KIAA1328: variants seen among roughly 807,000 people sequenced by gnomAD.
The protein encoded by KIAA1328 is protein hinderin.
In KIAA1328, 52 loss-of-function variants were observed where a neutral mutation model predicts 68.1. That is an observed-to-expected ratio of 0.76 (90% CI 0.61 to 0.96). The LOEUF is 0.96. Among genes scored for constraint, KIAA1328 ranks in the 40% least tolerant of loss-of-function variants. The pLI, the probability that KIAA1328 is intolerant of heterozygous loss-of-function variation, is 0.00. For missense variants in KIAA1328, 641 were observed against 677.6 expected, an observed-to-expected ratio of 0.95 and a Z score of 0.60; for synonymous variants, 232 against 239.4, an observed-to-expected ratio of 0.97 and a Z score of 0.28.
chr18:37,135,442 C>G (rs2058622205), intron 7 of KIAA1328, among the ~76,000 whole-genome samples: 1 of 152,116 alleles, frequency 6.6e-6, no homozygotes, highest in East Asian at 1.9e-4. Flanking sequence ...TTGCATTTCT[C>G]TGATGATTAG....
chr18:36,952,075 C>T (rs9789231), intron 5 of KIAA1328, among the ~76,000 whole-genome samples: 90,582 of 152,044 alleles, frequency 0.6, 28,845 homozygotes, highest in East Asian at 0.87. Flanking sequence ...TTCTGTCCCA[C>T]TCAGGACCAG....
At chr18:36,946,796 T>C (rs1297550270) in intron 5 of KIAA1328, among the ~76,000 whole-genome samples, 2 of 152,186 alleles carry the variant, frequency 1.3e-5, no homozygotes, top group Admixed American at 6.5e-5. Flanking sequence ...CAGGCATCCG[T>C]TCCTGGTGAT....
intron 5 of KIAA1328, among the ~76,000 whole-genome samples, chr18:36,899,605 T>G (rs956412516): frequency 1.3e-5 from 2 of 152,020 alleles, no homozygotes; most frequent in African/African-American, 4.8e-5. Flanking sequence ...CATATACTCA[T>G]GATATGTATC....
rs534761569 is a variant in KIAA1328, at chr18:37,162,495, A to G, written c.1414+2114A>G. 2.0e-5 allele frequency among the ~76,000 whole-genome samples: 3 copies of G among 152,264 alleles called. No homozygotes were observed. The South Asian group carries it at 6.2e-4, about 32-fold the overall frequency. ...GAGCCATTCTGCCCATTGCACAGCT[A>G]GTGTATGCAGATTATAGTACAGGGC... On this transcript the variant is annotated intron_variant, in intron 8 of 9. Coordinates refer to ENST00000280020, the MANE Select transcript of KIAA1328 (RefSeq NM_020776.3).
chr18:36,871,006 G>T (rs1434873903), intron 4 of KIAA1328, among the ~76,000 whole-genome samples: 2 of 152,168 alleles, frequency 1.3e-5, no homozygotes, highest in Admixed American at 1.3e-4. Flanking sequence ...GCTGCCCCAG[G>T]TTAGCTGGGG....
intron 6 of KIAA1328, among the ~76,000 whole-genome samples, chr18:36,987,847 T>TA (rs965294288): frequency 1.4e-4 from 21 of 151,342 alleles, no homozygotes; most frequent in African/African-American, 1.9e-4. Context: ...TTTGTTTTTT[T>TA]AAAAAAAAAG....
At chr18:36,955,399 T>A (rs1319148444) in intron 5 of KIAA1328, among the ~76,000 whole-genome samples, 2 of 150,580 alleles carry the variant, frequency 1.3e-5, no homozygotes, top group Non-Finnish European at 3.0e-5. Context: ...AACCTCCATC[T>A]CCTGGGTTCA....
At chr18:37,057,521 G>A (rs559843301) in intron 6 of KIAA1328, among the ~76,000 whole-genome samples, 12 of 150,680 alleles carry the variant, frequency 8.0e-5, no homozygotes, top group African/African-American at 2.4e-4. Flanking sequence ...TCCGCCTCCC[G>A]AGTTCACACC....
At chr18:36,836,537 G>T (rs1220954789) in intron 3 of KIAA1328, among the ~76,000 whole-genome samples, 1 of 151,890 alleles carries the variant, frequency 6.6e-6, no homozygotes, top group African/African-American at 2.4e-5. Flanking sequence ...TGACTTTTTT[G>T]ATATTGTTGT....
At chr18:37,074,243 C>A (rs2056632502) in intron 7 of KIAA1328, among the ~76,000 whole-genome samples, 1 of 152,190 alleles carries the variant, frequency 6.6e-6, no homozygotes, top group Admixed American at 6.5e-5. Flanking sequence ...TTGCCAGCTT[C>A]TCCCACATTC....
chr18:37,120,498 T>C (rs982992815), intron 7 of KIAA1328, among the ~76,000 whole-genome samples: 2 of 152,132 alleles, frequency 1.3e-5, no homozygotes, highest in African/African-American at 4.8e-5. Flanking sequence ...TTCCTGGTAG[T>C]TTGATAAAAA....
At position 36,941,805 on chromosome 18, in the gene KIAA1328, A is replaced by G. The variant is rs541579370; in HGVS notation, c.449-17503A>G. ...ATGGTCAGTTCTGCTATAAGGAGAC[A>G]TTTGCATTTCTAAAAATCACCATAC... On this transcript the variant is annotated intron_variant, in intron 5 of 9. Coordinates refer to ENST00000280020, the MANE Select transcript of KIAA1328 (RefSeq NM_020776.3). Among the ~76,000 whole-genome samples, 45 of 152,238 alleles carry G rather than the reference A, an allele frequency of 3.0e-4. 1 individual carries two copies. Among genetic ancestry groups the G allele is most frequent in the African/African-American group, 9.4e-4 (39 of 41,536 alleles).
intron 9 of KIAA1328, among the ~76,000 whole-genome samples, chr18:37,181,515 C>G (rs1327912436): frequency 6.6e-6 from 1 of 151,912 alleles, no homozygotes. Context: ...CTGTTAAAAG[C>G]CATTAATATA....
intron 6 of KIAA1328, among the ~76,000 whole-genome samples, chr18:36,990,327 A>G (rs751790663): frequency 2.6e-4 from 39 of 152,068 alleles, no homozygotes; most frequent in Admixed American, 6.6e-5. Context: ...GTATGGACAT[A>G]TTATATTTTA....
At chr18:37,025,637 G>A (rs1291059538) in intron 6 of KIAA1328, among the ~76,000 whole-genome samples, 1 of 152,144 alleles carries the variant, frequency 6.6e-6, no homozygotes, top group African/African-American at 2.4e-5. Flanking sequence ...GGTACATAAC[G>A]AAATGAAGGC....
chr18:36,956,546 G>T (rs905261230), intron 5 of KIAA1328, among the ~76,000 whole-genome samples: 2 of 151,502 alleles, frequency 1.3e-5, no homozygotes, highest in Admixed American at 6.6e-5. Flanking sequence ...AAGGAAGTGG[G>T]GGGGGGGTGC....
intron 6 of KIAA1328, among the ~76,000 whole-genome samples, chr18:37,002,028 T>G (rs753162374): frequency 9.2e-5 from 14 of 152,128 alleles, no homozygotes; most frequent in Admixed American, 2.0e-4. Context: ...GAGAAAGAAA[T>G]AAAAGGCATT....
chr18:37,198,620 T>C (rs988188266), intron 9 of KIAA1328, among the ~76,000 whole-genome samples: 1 of 152,178 alleles, frequency 6.6e-6, no homozygotes, highest in African/African-American at 2.4e-5. Flanking sequence ...AGAGCAGATA[T>C]GCATTACTAA....
At chr18:36,920,625 GC>G (rs2049882452) in intron 5 of KIAA1328, among the ~76,000 whole-genome samples, 1 of 152,132 alleles carries the variant, frequency 6.6e-6, no homozygotes, top group Admixed American at 6.5e-5. Flanking sequence ...GGCTAATTTA[GC>G]CCCATTTCTA....
Sources: allele counts gnomAD v4.1 joint callset (sites outside exome capture counted in the v4.1 genomes callset), GRCh38; gene constraint gnomAD v4.1.1; transcripts MANE v1.5; gene names NCBI Gene and HGNC (gene_info 2026-07-23, HGNC 2026-07-21).